SOCS2: variants seen among roughly 807,000 people sequenced by gnomAD.
SOCS2 encodes suppressor of cytokine signaling 2, also known as CIS-2.
Under a neutral mutation model 18.6 loss-of-function variants are expected in SOCS2, and 10 were observed. The ratio of observed to expected loss-of-function variants is 0.54; its 90% CI spans 0.33 to 0.91. The LOEUF (loss-of-function observed/expected upper bound fraction) is 0.91, where lower values mean the gene tolerates loss of function less well. Among genes scored for constraint, SOCS2 ranks in the 40% least tolerant of loss-of-function variants. SOCS2 has a pLI of 0.02. For missense variants in SOCS2, 231 were observed against 247.2 expected, an observed-to-expected ratio of 0.93 and a Z score of 0.44; for synonymous variants, 104 against 104.0, an observed-to-expected ratio of 1.00 and a Z score of 0.00.
the SOCS2 span, among the ~76,000 whole-genome samples, chr12:93,614,579 CTTTCTTTCTTTCTTTCTTT>C: frequency 1.2e-5 from 1 of 86,838 alleles, no homozygotes; most frequent in African/African-American, 5.8e-5. Flanking sequence ...TTCTTTCTTT[CTTTCTTTCTTTCTTTCTTT>C]CTTTCTTTCT....
chr12:93,571,711 C>T (rs1352925804), upstream of SOCS2: 11 of 290,906 alleles, frequency 3.8e-5, no homozygotes, highest in Non-Finnish European at 7.6e-5. Flanking sequence ...CACGGAACTC[C>T]GACCGCCGCC....
chr12:93,622,581 CA>C, the SOCS2 span, among the ~76,000 whole-genome samples: 1 of 151,970 alleles, frequency 6.6e-6, no homozygotes, highest in Non-Finnish European at 1.5e-5. Context: ...TAAAACAAAA[CA>C]AAAAAACCCT....
the SOCS2 span, among the ~76,000 whole-genome samples, chr12:93,606,148 T>C: frequency 6.6e-6 from 1 of 152,146 alleles, no homozygotes; most frequent in African/African-American, 2.4e-5. Flanking sequence ...CAACATCTAG[T>C]TGTTGTTTAT....
At chr12:93,602,096 T>G in the SOCS2 span, among the ~76,000 whole-genome samples, 1 of 151,966 alleles carries the variant, frequency 6.6e-6, no homozygotes, top group Non-Finnish European at 1.5e-5. Context: ...TCCTTAGTAT[T>G]TGTTTGTTTT....
chr12:93,572,610 G>T, upstream of SOCS2: 9 of 638,178 alleles, frequency 1.4e-5, no homozygotes, highest in South Asian at 9.6e-5. The surrounding 1 kb of genome is among the most constrained non-coding windows in gnomAD (Gnocchi z 5.0). Flanking sequence ...GATTTTCCAC[G>T]TCTATTTCCC....
upstream of SOCS2, chr12:93,571,349 A>G (rs1034615930): frequency 1.3e-5 from 2 of 152,096 alleles, no homozygotes; most frequent in Non-Finnish European, 1.5e-5. Flanking sequence ...CGGGGAAGAG[A>G]GAGTCCGAAC....
chr12:93,586,489 G>T (rs1442021456), downstream of SOCS2, among the ~76,000 whole-genome samples: 4 of 152,124 alleles, frequency 2.6e-5, no homozygotes, highest in African/African-American at 7.2e-5. Context: ...CAGACAACTG[G>T]TTTGCAAACC....
Position 93,575,925 on chromosome 12 carries a change from G to A in SOCS2, c.*746G>A, listed in dbSNP as rs1018626197. The A allele has an allele frequency of 1.3e-5, 2 of 152,568 alleles. No individual in the cohort carries two copies. The highest frequency in any genetic ancestry group is 2.4e-5 in the African/African-American group (1 of 41,424). The allele number at this position is 152,568 out of a possible 1,614,324, so 9.5% of individuals were successfully genotyped here. On this transcript the variant is annotated 3_prime_UTR_variant, in exon 2 of 2. Coordinates refer to ENST00000551556, the MANE Select transcript of SOCS2 (RefSeq NM_001270471.2). ...GCTATACAGGTGCAACTCAATCCCC[G>A]TTAATAAAAACCAATGTAGGTATAG...
chr12:93,590,783 CAAAAAAAAAAAAAAAAAAAAAAAA>C, the SOCS2 span, among the ~76,000 whole-genome samples: 22 of 38,950 alleles, frequency 5.6e-4, no homozygotes, highest in African/African-American at 1.2e-3. Context: ...GACTCCGCCT[CAAAAAAAAAAAAAAAAAAAAAAAA>C]AAAAAAAAAA....
Position 93,573,004 on chromosome 12 carries a change from T to G in SOCS2, c.107T>G (p.Leu36Arg), listed in dbSNP as rs1454398503. 3 of 1,570,122 alleles carry G rather than the reference T, an allele frequency of 1.9e-6. No individual in the cohort carries two copies. The highest frequency in any genetic ancestry group is 1.9e-5 in the Admixed American group (1 of 54,034). The change falls in exon 1 of 2, where the codon CTG becomes CGG. Residue 36 changes from leucine to arginine, a missense_variant. By Grantham distance (102) the Leu-to-Arg change is moderately radical. Transcript: ENST00000551556. ...AEEPSPQAAR[L>R]AKALRELGQT... ...GAGCCATCCCCGCAGGCGGCGCGTC[T>G]GGCGAAGGCCCTGCGGGAGCTCGGT...
the SOCS2 span, among the ~76,000 whole-genome samples, chr12:93,589,949 G>A: frequency 6.6e-6 from 1 of 152,156 alleles, no homozygotes; most frequent in African/African-American, 2.4e-5. Flanking sequence ...ACAAAGTACT[G>A]GATTGTTGAG....
chr12:93,571,100 C>G (rs940754431), upstream of SOCS2: 16 of 154,346 alleles, frequency 1.0e-4, no homozygotes, highest in African/African-American at 3.6e-4. Flanking sequence ...TCCCCTGAAG[C>G]ATGAGCCCTC....
the SOCS2 span, among the ~76,000 whole-genome samples, chr12:93,623,965 A>C: frequency 6.6e-6 from 1 of 152,202 alleles, no homozygotes; most frequent in Middle Eastern, 3.4e-3. Flanking sequence ...CAGCCTCCCA[A>C]AGTGCTGGGA....
At chr12:93,614,361 C>T in the SOCS2 span, among the ~76,000 whole-genome samples, 2 of 123,660 alleles carry the variant, frequency 1.6e-5, no homozygotes, top group Admixed American at 8.0e-5. Flanking sequence ...TAGCAATTTT[C>T]CTTCTTTCTT....
At chr12:93,608,943 A>C in the SOCS2 span, among the ~76,000 whole-genome samples, 2,313 of 152,330 alleles carry the variant, frequency 0.015, 71 homozygotes, top group African/African-American at 0.053. Flanking sequence ...CCTACTTTCC[A>C]GGGGTAAGTA....
the SOCS2 span, among the ~76,000 whole-genome samples, chr12:93,614,468 TTCC>T: frequency 4.1e-4 from 37 of 91,198 alleles, 1 homozygote; most frequent in South Asian, 3.0e-3. Context: ...CCTTCCTTCC[TTCC>T]TTCCTTCCTT....
chr12:93,585,340 A>G (rs986773379), downstream of SOCS2, among the ~76,000 whole-genome samples: 5 of 151,868 alleles, frequency 3.3e-5, no homozygotes, highest in Non-Finnish European at 4.4e-5. Flanking sequence ...ACCTCCTCAA[A>G]CAGCTGGTCT....
the SOCS2 span, among the ~76,000 whole-genome samples, chr12:93,609,577 C>T: frequency 3.3e-5 from 5 of 151,174 alleles, no homozygotes; most frequent in Non-Finnish European, 7.4e-5. Context: ...TAATTTATTA[C>T]CTTTATTATT....
At chr12:93,614,362 C>CTTTCT in the SOCS2 span, among the ~76,000 whole-genome samples, 1,731 of 79,546 alleles carry the variant, frequency 0.022, 195 homozygotes, top group Admixed American at 0.049. Flanking sequence ...AGCAATTTTC[C>CTTTCT]TTCTTTCTTT....
Sources: gnomAD v4.1 joint callset for allele counts (sites outside exome capture counted in the v4.1 genomes callset) on GRCh38, gnomAD v4.1.1 for gene constraint, Gnocchi (gnomAD v3.1) non-coding constraint, MANE v1.5 for transcripts, NCBI Gene and HGNC (gene_info 2026-07-23, HGNC 2026-07-21) for gene names.